Variants in DHRSX observed in about 807,000 individuals in gnomAD.
The protein encoded by DHRSX is polyprenol dehydrogenase.
In DHRSX, 31 loss-of-function variants were observed where a neutral mutation model predicts 34.0. That is an observed-to-expected ratio of 0.91 (90% CI 0.69 to 1.23). DHRSX has a LOEUF of 1.23. Among genes scored for constraint, DHRSX ranks in the 50% most tolerant of loss-of-function variants. DHRSX has a pLI of 0.00. For missense variants in DHRSX, 414 were observed against 428.1 expected (o/e 0.97, Z 0.29); for synonymous variants, 201 against 183.8 (o/e 1.09, Z -0.76).
At chrX:2,313,209 G>A (rs1222081834) in intron 3 of DHRSX, among the ~76,000 whole-genome samples, 1 of 151,660 alleles carries the variant, frequency 6.6e-6, no homozygotes, top group Non-Finnish European at 1.5e-5. Flanking sequence ...TCACCATGTT[G>A]GCCAGGCTGG....
chrX:2,473,134 G>A (rs1406868997), intron 1 of DHRSX, among the ~76,000 whole-genome samples: 8 of 144,354 alleles, frequency 5.5e-5, no homozygotes, highest in African/African-American at 2.3e-4. Context: ...ACGTGGCACA[G>A]TCAGCTCGCC....
chrX:2,428,063 C>T (rs1035900396), intron 1 of DHRSX, among the ~76,000 whole-genome samples: 10 of 152,050 alleles, frequency 6.6e-5, no homozygotes, highest in South Asian at 2.1e-4. Context: ...AATGTGTACA[C>T]GTCGACATAG....
At position 2,249,513 on chromosome X, in the gene DHRSX, C is replaced by CTTTTTTTT. The variant is rs753035485; in HGVS notation, c.597-6291_597-6284dup. On this transcript the variant is annotated intron_variant, in intron 5 of 6. Coordinates refer to ENST00000334651, the MANE Select transcript of DHRSX (RefSeq NM_145177.3). ...CCACCACGCTCAGCCCTTTTTGTGC[C>CTTTTTTTT]TTTTTTTTTTTTTTTTTTTTTTTTT... 8.8e-4 allele frequency among the ~76,000 whole-genome samples: 62 copies of CTTTTTTTT among 70,186 alleles called. 3 individuals carry two copies. Among genetic ancestry groups the CTTTTTTTT allele is most frequent in the African/African-American group, 2.8e-3 (60 of 21,060 alleles). 46.0% of individuals were successfully genotyped at this position (70,186 alleles called of 152,430 possible).
chrX:2,239,777 T>A (rs1368294592), intron 6 of DHRSX, among the ~76,000 whole-genome samples: 7 of 149,772 alleles, frequency 4.7e-5, no homozygotes, highest in Middle Eastern at 3.4e-3. Flanking sequence ...TCAAAAAAAA[T>A]AAATAAATTA....
intron 1 of DHRSX, among the ~76,000 whole-genome samples, chrX:2,443,875 G>A (rs974282496): frequency 2.0e-5 from 3 of 152,124 alleles, no homozygotes; most frequent in Non-Finnish European, 1.5e-5. Context: ...GTGTGGTGGC[G>A]GAAGCCTGTA....
At chrX:2,483,144 G>C (rs979209868) in intron 1 of DHRSX, among the ~76,000 whole-genome samples, 16 of 152,120 alleles carry the variant, frequency 1.1e-4, no homozygotes, top group Non-Finnish European at 1.9e-4. Context: ...GCACGACAGT[G>C]ATGCAATCTC....
intron 3 of DHRSX, among the ~76,000 whole-genome samples, chrX:2,345,893 C>T (rs1002453333): frequency 2.0e-5 from 3 of 152,112 alleles, no homozygotes; most frequent in Non-Finnish European, 4.4e-5. Context: ...TTGCCAGCCT[C>T]CATCACCATA....
At chrX:2,295,169 C>T in intron 3 of DHRSX, among the ~76,000 whole-genome samples, 1 of 152,118 alleles carries the variant, frequency 6.6e-6, no homozygotes, top group Admixed American at 6.6e-5. Context: ...AACTTGAAAC[C>T]AACCCAAATG....
At chrX:2,442,929 A>G (rs1011047704) in intron 1 of DHRSX, among the ~76,000 whole-genome samples, 7 of 152,186 alleles carry the variant, frequency 4.6e-5, no homozygotes, top group Non-Finnish European at 1.0e-4. Context: ...GTGTTCCGTC[A>G]CATGTCACTA....
chrX:2,395,887 C>G (rs1272799903), intron 3 of DHRSX, among the ~76,000 whole-genome samples: 1 of 152,100 alleles, frequency 6.6e-6, no homozygotes, highest in African/African-American at 2.4e-5. Flanking sequence ...TATTCCTGCC[C>G]GATCTATGTC....
At chrX:2,412,165 T>C (rs1458660126) in intron 2 of DHRSX, among the ~76,000 whole-genome samples, 1 of 152,170 alleles carries the variant, frequency 6.6e-6, no homozygotes, top group African/African-American at 2.4e-5. Context: ...CCAAACACAG[T>C]GCATCTGCCT....
chrX:2,437,288 C>A (rs776403379), intron 1 of DHRSX, among the ~76,000 whole-genome samples: 1 of 151,694 alleles, frequency 6.6e-6, no homozygotes, highest in Non-Finnish European at 1.5e-5. Context: ...TGTGAGCCAC[C>A]ATGCCCGGAC....
chrX:2,414,522 C>T (rs1265177056), intron 2 of DHRSX, among the ~76,000 whole-genome samples: 1 of 151,904 alleles, frequency 6.6e-6, no homozygotes, highest in Admixed American at 6.6e-5. Context: ...CTCATCAAGA[C>T]CAACCCAACT....
chrX:2,352,009 C>A (rs1422488869), intron 3 of DHRSX, among the ~76,000 whole-genome samples: 1 of 152,100 alleles, frequency 6.6e-6, no homozygotes. Flanking sequence ...CGTGAGTCAC[C>A]GTGCCCAGCC....
At chrX:2,229,632 G>A (rs986687324) in intron 6 of DHRSX, among the ~76,000 whole-genome samples, 4 of 152,044 alleles carry the variant, frequency 2.6e-5, no homozygotes, top group Non-Finnish European at 4.4e-5. Flanking sequence ...GGGTAGATGT[G>A]TATTGTATGA....
intron 6 of DHRSX, 45 bp downstream of exon 6, chrX:2,242,978 C>G: frequency 6.3e-7 from 1 of 1,580,060 alleles, no homozygotes; most frequent in South Asian, 1.1e-5. Flanking sequence ...TTTCCTGTAG[C>G]ATCTTCAGGT....
At chrX:2,247,750 G>A (rs2016333321) in intron 5 of DHRSX, among the ~76,000 whole-genome samples, 1 of 151,078 alleles carries the variant, frequency 6.6e-6, no homozygotes, top group Admixed American at 6.6e-5. Flanking sequence ...GCATGCCTAT[G>A]CTGGGGCTCA....
At chrX:2,398,636 C>T (rs1407542632) in intron 3 of DHRSX, among the ~76,000 whole-genome samples, 3 of 150,004 alleles carry the variant, frequency 2.0e-5, no homozygotes, top group Non-Finnish European at 2.9e-5. Context: ...TATCGAGCCA[C>T]GAAAAGACGC....
At chrX:2,387,904 CAAAAA>C (rs557047764) in intron 3 of DHRSX, among the ~76,000 whole-genome samples, 3 of 73,930 alleles carry the variant, frequency 4.1e-5, no homozygotes, top group Non-Finnish European at 7.3e-5. Flanking sequence ...CCCTCCCCTG[CAAAAA>C]AAAAAAAAAA....
Sources: gnomAD v4.1 joint callset for allele counts (sites outside exome capture counted in the v4.1 genomes callset) on GRCh38, gnomAD v4.1.1 for gene constraint, MANE v1.5 for transcripts, NCBI Gene and HGNC (gene_info 2026-07-23, HGNC 2026-07-21) for gene names.